ABTB3: variants seen among roughly 807,000 people sequenced by gnomAD.
ABTB3 encodes the protein ankyrin repeat and BTB domain containing 3.
At chr12:107,452,572 C>G in the ABTB3 span, among the ~76,000 whole-genome samples, 2 of 152,012 alleles carry the variant, frequency 1.3e-5, no homozygotes, top group African/African-American at 4.8e-5. Flanking sequence ...AAAATCAGGC[C>G]AGGCGCAGTG....
the ABTB3 span, chr12:107,610,402 C>T: frequency 3.1e-6 from 5 of 1,602,982 alleles, no homozygotes; most frequent in African/African-American, 5.4e-5. Context: ...CCTCCATGTG[C>T]ATCACCCCTG....
the ABTB3 span, among the ~76,000 whole-genome samples, chr12:107,534,447 A>T: frequency 6.6e-6 from 1 of 152,126 alleles, no homozygotes; most frequent in Non-Finnish European, 1.5e-5. Flanking sequence ...AATAATAAAG[A>T]TCAGAGCAGA....
the ABTB3 span, among the ~76,000 whole-genome samples, chr12:107,594,939 TG>T: frequency 6.6e-6 from 1 of 151,778 alleles, no homozygotes; most frequent in Non-Finnish European, 1.5e-5. Context: ...GGGCTGTTGG[TG>T]GGGGGCACTC....
At chr12:107,401,295 G>A in the ABTB3 span, among the ~76,000 whole-genome samples, 1 of 152,192 alleles carries the variant, frequency 6.6e-6, no homozygotes. Context: ...CAGCAGCCAG[G>A]CTGTCTGCAA....
At chr12:107,630,282 T>C in the ABTB3 span, among the ~76,000 whole-genome samples, 1 of 152,126 alleles carries the variant, frequency 6.6e-6, no homozygotes, top group African/African-American at 2.4e-5. Flanking sequence ...AATAAATATT[T>C]GGAGAATGAA....
chr12:107,452,858 A>AAAC, the ABTB3 span, among the ~76,000 whole-genome samples: 2 of 152,208 alleles, frequency 1.3e-5, no homozygotes. Flanking sequence ...AAAAACAAGT[A>AAAC]AACAACAACA....
chr12:107,470,648 C>T, the ABTB3 span, among the ~76,000 whole-genome samples: 10 of 152,206 alleles, frequency 6.6e-5, no homozygotes, highest in East Asian at 1.9e-4. Context: ...GCAGGGTCAC[C>T]GCTGGGCCTC....
At chr12:107,552,333 A>T in the ABTB3 span, among the ~76,000 whole-genome samples, 3 of 152,242 alleles carry the variant, frequency 2.0e-5, no homozygotes, top group African/African-American at 7.2e-5. Flanking sequence ...TTTGCAGGGT[A>T]TAAAATGAAT....
At chr12:107,584,091 C>G in the ABTB3 span, among the ~76,000 whole-genome samples, 1 of 152,184 alleles carries the variant, frequency 6.6e-6, no homozygotes, top group Non-Finnish European at 1.5e-5. Context: ...AAAAAGAATA[C>G]TTATTTTTCA....
chr12:107,449,192 C>T, the ABTB3 span, among the ~76,000 whole-genome samples: 1 of 152,190 alleles, frequency 6.6e-6, no homozygotes, highest in African/African-American at 2.4e-5. Flanking sequence ...GCCAGCTGGG[C>T]TCCAGGAAGC....
At chr12:107,398,823 G>A in the ABTB3 span, among the ~76,000 whole-genome samples, 27,046 of 152,098 alleles carry the variant, frequency 0.18, 2,566 homozygotes, top group Non-Finnish European at 0.23. Flanking sequence ...TACAAAACAC[G>A]GTTTGGCTTA....
chr12:107,414,263 G>A, the ABTB3 span, among the ~76,000 whole-genome samples: 4 of 152,178 alleles, frequency 2.6e-5, no homozygotes, highest in Admixed American at 6.5e-5. Flanking sequence ...CCTAGTGGGG[G>A]CTCCGAATAC....
At chr12:107,520,930 A>G in the ABTB3 span, among the ~76,000 whole-genome samples, 1 of 152,202 alleles carries the variant, frequency 6.6e-6, no homozygotes, top group African/African-American at 2.4e-5. Context: ...ATGCCTACCC[A>G]GAGTGTAGTT....
At chr12:107,352,566 G>T in the ABTB3 span, among the ~76,000 whole-genome samples, 1 of 152,052 alleles carries the variant, frequency 6.6e-6, no homozygotes, top group African/African-American at 2.4e-5. Flanking sequence ...AACTAAGGGG[G>T]CCCTTCCACA....
the ABTB3 span, among the ~76,000 whole-genome samples, chr12:107,375,962 C>T: frequency 4.3e-4 from 65 of 152,268 alleles, no homozygotes; most frequent in African/African-American, 1.4e-3. Flanking sequence ...CTTCCCCATG[C>T]GCCATCTCTT....
the ABTB3 span, among the ~76,000 whole-genome samples, chr12:107,511,884 G>A: frequency 6.6e-6 from 1 of 152,138 alleles, no homozygotes; most frequent in Non-Finnish European, 1.5e-5. Context: ...CCAGGTTTTA[G>A]TGGGGAGTCT....
chr12:107,547,710 T>A, the ABTB3 span, among the ~76,000 whole-genome samples: 20,369 of 152,166 alleles, frequency 0.13, 1,592 homozygotes, highest in East Asian at 0.33. Context: ...AGTCATATAG[T>A]CCTTTAAATT....
the ABTB3 span, among the ~76,000 whole-genome samples, chr12:107,646,079 C>G: frequency 1.3e-5 from 2 of 152,234 alleles, no homozygotes; most frequent in Non-Finnish European, 2.9e-5. Context: ...TTTAACATCA[C>G]GCGCCGGCAA....
At chr12:107,351,650 T>C in the ABTB3 span, among the ~76,000 whole-genome samples, 1 of 152,206 alleles carries the variant, frequency 6.6e-6, no homozygotes, top group African/African-American at 2.4e-5. Context: ...TTCTCTCTCT[T>C]GCACTGTCTC....
Sources: gnomAD v4.1 joint callset for allele counts (sites outside exome capture counted in the v4.1 genomes callset) on GRCh38, gnomAD v4.1.1 for gene constraint, MANE v1.5 for transcripts, NCBI Gene and HGNC (gene_info 2026-07-23, HGNC 2026-07-21) for gene names.